The following AGAP1 variants were observed in gnomAD, a reference collection of about 807,000 sequenced individuals.
AGAP1 encodes the protein arf-GAP with GTPase, ANK repeat and PH domain-containing protein 1.
AGAP1 carries 29 observed loss-of-function variants against 105.3 expected under a neutral mutation model. That is an observed-to-expected ratio of 0.28 (90% CI 0.21 to 0.38). AGAP1 has a LOEUF of 0.38. AGAP1 is among the 10% of genes least tolerant of loss of function. The pLI, the probability that AGAP1 is intolerant of heterozygous loss-of-function variation, is 1.00. For synonymous variants in AGAP1, 509 were observed against 485.9 expected, an observed-to-expected ratio of 1.05 and a Z score of -0.63; for missense variants, 998 against 1,165.1, an observed-to-expected ratio of 0.86 and a Z score of 2.09.
rs1156894147 is a variant in AGAP1 at position 235,777,096 on chromosome 2, T to C, written c.674-20663T>C. ...AAGTGATGCTGGGCGCGGTGGCTCA[T>C]GCCTGTAATTCCAGCACTTTGAGAG... On this transcript the variant is annotated intron_variant, in intron 6 of 17. Transcript: ENST00000304032. This position sits in a 1 kb window ranked among gnomAD's most constrained non-coding sequence, Gnocchi z 5.1. 2 of 470,104 alleles carry C rather than the reference T, an allele frequency of 4.3e-6. No homozygotes were observed. The highest frequency in any genetic ancestry group is 2.0e-5 in the African/African-American group (1 of 50,070). 29.1% of individuals were successfully genotyped at this position (470,104 alleles called of 1,614,324 possible).
At chr2:235,634,876 G>T (rs1393184519) in intron 1 of AGAP1, among the ~76,000 whole-genome samples, 1 of 152,114 alleles carries the variant, frequency 6.6e-6, no homozygotes, top group Non-Finnish European at 1.5e-5. Context: ...ACACGCTTTG[G>T]CTGGTTATTG....
intron 9 of AGAP1, among the ~76,000 whole-genome samples, chr2:235,822,436 A>G (rs1431296051): frequency 4.4e-5 from 6 of 135,124 alleles, no homozygotes; most frequent in Admixed American, 2.8e-4. Context: ...AGATGGAGAA[A>G]CTCAAGGGTG....
At chr2:235,937,310 A>G (rs2053040218) in intron 12 of AGAP1, among the ~76,000 whole-genome samples, 1 of 152,164 alleles carries the variant, frequency 6.6e-6, no homozygotes, top group Non-Finnish European at 1.5e-5. Flanking sequence ...CTGTCTCTGC[A>G]TGTGGCCGAG....
chr2:235,555,268 G>A lies in AGAP1; in HGVS notation c.163+60419G>A, dbSNP rs1001667930. ...ACTTCTGTGATGCACAGAACCTGCC[G>A]CCCTGCCCTGTCTCTTTGTGTTCGT... On this transcript the variant is annotated intron_variant, in intron 1 of 17. Coordinates refer to ENST00000304032, the MANE Select transcript of AGAP1 (RefSeq NM_001037131.3). This position sits in a 1 kb window ranked among gnomAD's most constrained non-coding sequence, Gnocchi z 5.1. 6.6e-6 allele frequency among the ~76,000 whole-genome samples: 1 copy of A among 152,102 alleles called. No individual in the cohort carries two copies. Among genetic ancestry groups the A allele is most frequent in the African/African-American group, 2.4e-5 (1 of 41,430 alleles).
intron 9 of AGAP1, among the ~76,000 whole-genome samples, chr2:235,863,417 C>T (rs566010034): frequency 2.1e-4 from 32 of 152,328 alleles, no homozygotes; most frequent in African/African-American, 7.5e-4. Flanking sequence ...AGTTACCTTG[C>T]GCCCTACAGA....
chr2:235,893,329 G>A lies in AGAP1; in HGVS notation c.1155+9880G>A, dbSNP rs938281772. The stretch of plus-strand genomic sequence containing the variant: ...CGCAGGTGTGCCGTGTCTGTGGCAT[G>A]GGTGTGGCTTGTCTGTGGTGTGGGT... On this transcript the variant is annotated intron_variant, in intron 10 of 17. Transcript: ENST00000304032. This position sits in a 1 kb window ranked among gnomAD's most constrained non-coding sequence, Gnocchi z 4.7. Among the ~76,000 whole-genome samples the A allele has an allele frequency of 2.7e-5, 4 of 150,426 alleles. No individual in the cohort carries two copies. In the East Asian group the frequency reaches 8.0e-4, roughly 30 times the overall value.
rs564193863 is a variant in AGAP1, at chr2:235,513,192, C to T, written c.163+18343C>T. ...AGACTTTAGCCTGCGTCAGGATCAC[C>T]TCAGGTCACGTTTTAACTGAGGGTG... On this transcript the variant is annotated intron_variant, in intron 1 of 17. Transcript: ENST00000304032. 8.5e-5 allele frequency among the ~76,000 whole-genome samples: 13 copies of T among 152,212 alleles called. No homozygotes were observed. The East Asian group carries it at 2.1e-3, about 25-fold the overall frequency.
chr2:236,067,784 CGAG>C (rs2058385579), intron 16 of AGAP1, among the ~76,000 whole-genome samples: 1 of 152,092 alleles, frequency 6.6e-6, no homozygotes, highest in Non-Finnish European at 1.5e-5. Context: ...TGAGGTGAGA[CGAG>C]GAAGAGCGAG....
intron 9 of AGAP1, among the ~76,000 whole-genome samples, chr2:235,810,318 T>C (rs888933451): frequency 1.3e-5 from 2 of 152,190 alleles, no homozygotes; most frequent in Admixed American, 6.5e-5. Flanking sequence ...TGCAGAGAAC[T>C]GTGTCTTAAT....
intron 12 of AGAP1, among the ~76,000 whole-genome samples, chr2:235,945,648 C>G (rs1007433297): frequency 2.0e-5 from 3 of 152,152 alleles, no homozygotes; most frequent in Non-Finnish European, 4.4e-5. Context: ...TTCTAAAAAA[C>G]TCAGTCCTAC....
At chr2:236,115,734 T>A (rs1048120669) in intron 16 of AGAP1, among the ~76,000 whole-genome samples, 1 of 152,204 alleles carries the variant, frequency 6.6e-6, no homozygotes, top group South Asian at 2.1e-4. Context: ...CCTGGCCACC[T>A]CCTACTGTCC....
intron 6 of AGAP1, among the ~76,000 whole-genome samples, chr2:235,782,057 A>G (rs984342139): frequency 4.6e-5 from 7 of 152,352 alleles, no homozygotes; most frequent in African/African-American, 1.7e-4. Context: ...TTAACTGGAC[A>G]GCAGGACTAA....
chr2:235,600,529 T>A lies in AGAP1; in HGVS notation c.163+105680T>A, dbSNP rs1030241202. Among the ~76,000 whole-genome samples, 1 of 152,118 alleles carries A rather than the reference T, an allele frequency of 6.6e-6. No individual in the cohort carries two copies. The highest frequency in any genetic ancestry group is 2.4e-5 in the African/African-American group (1 of 41,392). On this transcript the variant is annotated intron_variant, in intron 1 of 17. Transcript: ENST00000304032. This position sits in a 1 kb window ranked among gnomAD's most constrained non-coding sequence, Gnocchi z 4.8. ...AGATATGTAATAAAGGGGAGTTTAT[T>A]AAGGAGTATTAACTCACAGGATCAC...
rs762468012 is a variant in AGAP1, at chr2:235,609,617, G to T, written c.164-99562G>T. Among the ~76,000 whole-genome samples the T allele has an allele frequency of 1.3e-5, 2 of 152,072 alleles. No homozygotes were observed. The highest frequency in any genetic ancestry group is 2.9e-5 in the Non-Finnish European group (2 of 68,022). On this transcript the variant is annotated intron_variant, in intron 1 of 17. Coordinates refer to ENST00000304032, the MANE Select transcript of AGAP1 (RefSeq NM_001037131.3). The surrounding 1 kb of genome is among the most constrained non-coding windows in gnomAD (Gnocchi z 5.1). ...GCATGCGCGCTGAGGATGGCAGAGG[G>T]GCTCCTGCCTGTCTCAGTGCTCTGG...
At chr2:235,762,593 TGTG>T (rs777457175) in intron 6 of AGAP1, among the ~76,000 whole-genome samples, 2 of 152,028 alleles carry the variant, frequency 1.3e-5, no homozygotes, top group Admixed American at 6.5e-5. Context: ...ATAGGCCAGA[TGTG>T]GTGGCTCACA....
rs143509261 is a variant in AGAP1, at chr2:235,752,715, C to T, written c.673+2227C>T. Among the ~76,000 whole-genome samples the T allele has an allele frequency of 2.3e-3, 346 of 152,266 alleles. 2 individuals are homozygous for T. The South Asian group carries it at 0.03, about 13-fold the overall frequency. On this transcript the variant is annotated intron_variant, in intron 6 of 17. Transcript: ENST00000304032. This position sits in a 1 kb window ranked among gnomAD's most constrained non-coding sequence, Gnocchi z 4.3. ...GACTCCTTTGCTTTTGTATTTATCA[C>T]GGTTAACATACATGAGTTTTCCATA... is the stretch of plus-strand genomic sequence containing the variant.
intron 10 of AGAP1, among the ~76,000 whole-genome samples, chr2:235,884,624 TTG>T (rs2050185807): frequency 6.6e-6 from 1 of 152,016 alleles, no homozygotes; most frequent in South Asian, 2.1e-4. Context: ...CTAAATTTTT[TTG>T]TGTTTTTAGT....
At position 236,047,365 on chromosome 2, in the gene AGAP1, G is replaced by A. The variant is rs1576164040; in HGVS notation, c.1892-1694G>A. 4.6e-5 allele frequency among the ~76,000 whole-genome samples: 7 copies of A among 152,028 alleles called. No homozygotes were observed. In the South Asian group the frequency reaches 1.2e-3, roughly 27 times the overall value. ...GAGGCACAGGCGAGGAGGGGTCCAC[G>A]CCAGCTGTGTGCCATGCCTCCACCC... On this transcript the variant is annotated intron_variant, in intron 15 of 17. Coordinates refer to ENST00000304032, the MANE Select transcript of AGAP1 (RefSeq NM_001037131.3).
rs893618940 is a variant in AGAP1, at chr2:235,793,442, C to T, written c.674-4317C>T. On this transcript the variant is annotated intron_variant, in intron 6 of 17. Coordinates refer to ENST00000304032, the MANE Select transcript of AGAP1 (RefSeq NM_001037131.3). The surrounding 1 kb of genome is among the most constrained non-coding windows in gnomAD (Gnocchi z 5.3). ...GTGCAGGGCAAAAGAACACATGATT[C>T]GTGCTGTGGAACCAGGACAGTCTGT... 5.3e-5 allele frequency among the ~76,000 whole-genome samples: 8 copies of T among 152,276 alleles called. No homozygotes were observed. The highest frequency in any genetic ancestry group is 6.8e-3 in the Middle Eastern group (2 of 294).
Sources: allele counts gnomAD v4.1 joint callset (sites outside exome capture counted in the v4.1 genomes callset), GRCh38; gene constraint gnomAD v4.1.1; non-coding constraint Gnocchi (gnomAD v3.1); transcripts MANE v1.5; gene names NCBI Gene and HGNC (gene_info 2026-07-23, HGNC 2026-07-21).